Variants in YLPM1 observed in about 807,000 individuals in gnomAD.
YLPM1 encodes YLP motif containing 1, also known as YLP motif-containing protein 1.
In YLPM1, 99 loss-of-function variants were observed where a neutral mutation model predicts 230.0. The ratio of observed to expected loss-of-function variants is 0.43; its 90% confidence interval spans 0.37 to 0.51. YLPM1 has a LOEUF of 0.51. Ranked by LOEUF, YLPM1 falls within the 20% of genes least tolerant of loss-of-function variation. The probability of loss-of-function intolerance (pLI) is 0.00; values close to 1 mark genes in which losing one functional copy is unlikely to be tolerated. For missense variants in YLPM1, 2,592 were observed against 2,707.7 expected (o/e 0.96, Z 0.95); for synonymous variants, 984 against 942.5 (o/e 1.04, Z -0.81).
Position 74,780,490 on chromosome 14 carries a change from G to A in YLPM1, c.1196G>A (p.Gly399Asp). 6.2e-7 allele frequency: 1 copy of A among 1,613,904 alleles called. No homozygotes were observed. Among genetic ancestry groups the A allele is most frequent in the Non-Finnish European group, 8.5e-7 (1 of 1,179,866 alleles). The change falls in exon 3 of 21, where the codon GGT becomes GAT. Residue 399 changes from glycine to aspartate, a missense_variant. Around this residue, in one of 4 missense-constraint regions of YLPM1, gnomAD observed 1,862 missense variants for 1,819.8 expected, o/e 1.02. Transcript: ENST00000325680. ...CAGCAGCACCAGCAGCATCGAGTCG[G>A]TTTCCAGTATCAGGGAATAATGCAG... ...HWQQHQQHRV[G>D]FQYQGIMQKH...
chr14:74,804,123 C>T (rs1278556609), intron 6 of YLPM1, among the ~76,000 whole-genome samples: 2 of 152,212 alleles, frequency 1.3e-5, no homozygotes, highest in African/African-American at 4.8e-5. Context: ...CGCCATTGCA[C>T]TCCAGCCTGG....
At chr14:74,766,294 T>C (rs1294995955) in intron 1 of YLPM1, among the ~76,000 whole-genome samples, 1 of 152,182 alleles carries the variant, frequency 6.6e-6, no homozygotes, top group East Asian at 1.9e-4. Flanking sequence ...GCAATCCTTC[T>C]ACATATTTAT....
At chr14:74,803,014 T>A (rs982935789) in intron 6 of YLPM1, among the ~76,000 whole-genome samples, 1 of 152,024 alleles carries the variant, frequency 6.6e-6, no homozygotes, top group Non-Finnish European at 1.5e-5. Context: ...ATTCTAGCAC[T>A]TTGGGAGGCT....
At chr14:74,773,659 C>CATT (rs1469272294) in intron 1 of YLPM1, among the ~76,000 whole-genome samples, 4 of 144,670 alleles carry the variant, frequency 2.8e-5, no homozygotes, top group East Asian at 2.1e-4. Context: ...TTTAATGCTA[C>CATT]ATTATTATTA....
intron 11 of YLPM1, among the ~76,000 whole-genome samples, chr14:74,812,989 AAAG>A (rs2091448803): frequency 6.6e-6 from 1 of 152,216 alleles, no homozygotes; most frequent in Non-Finnish European, 1.5e-5. Flanking sequence ...ACTTGGCAAA[AAAG>A]ATGTTGAATT....
intron 4 of YLPM1, among the ~76,000 whole-genome samples, chr14:74,796,062 C>T (rs2091257531): frequency 6.6e-6 from 1 of 152,180 alleles, no homozygotes; most frequent in Non-Finnish European, 1.5e-5. Context: ...CCAGTTCTAG[C>T]TGCAAGAGAT....
intron 4 of YLPM1, among the ~76,000 whole-genome samples, chr14:74,783,622 G>GT: frequency 6.6e-6 from 1 of 152,056 alleles, no homozygotes; most frequent in Non-Finnish European, 1.5e-5. Context: ...TTTCATCTCA[G>GT]TATCAGTGGA....
intron 6 of YLPM1, among the ~76,000 whole-genome samples, chr14:74,806,935 A>T (rs1455945802): frequency 6.6e-6 from 1 of 152,174 alleles, no homozygotes; most frequent in Non-Finnish European, 1.5e-5. Flanking sequence ...AGTTTTTAAA[A>T]AATTTATAAG....
Position 74,809,497 on chromosome 14 carries a change from C to T in YLPM1, c.4639C>T (p.Pro1547Ser), listed in dbSNP as rs2091413063. The T allele has an allele frequency of 1.3e-6, 2 of 1,583,210 alleles. No individual in the cohort carries two copies. Among genetic ancestry groups the T allele is most frequent in the Admixed American group, 1.8e-5 (1 of 54,490 alleles). Residue 1547 changes from proline to serine, a missense_variant, in exon 7 of 21, where the codon CCA becomes TCA. Around this residue, in one of 4 missense-constraint regions of YLPM1, gnomAD observed 403 missense variants for 426.7 expected, o/e 0.94. Transcript: ENST00000325680. Reference protein sequence around the residue: ...VPVTRPPVPIPPPPPPPPLPP... With the variant: ...VPVTRPPVPISPPPPPPPLPP... ...TGTGACCAGGCCACCTGTCCCAATA[C>T]CACCACCTCCACCTCCTCCACCTCT...
intron 18 of YLPM1, 122 bp downstream of exon 18, chr14:74,824,429 C>T: frequency 1.2e-6 from 1 of 856,158 alleles, no homozygotes; most frequent in African/African-American, 1.7e-5. Context: ...TCTGGCCTAC[C>T]TTATATCCTC....
rs1458355449 is a variant in YLPM1, at chr14:74,812,708, G to A, written c.5428G>A (p.Val1810Ile). Residue 1810 changes from valine (V) to isoleucine (I), a missense_variant, in exon 11 of 21, where the codon GTC becomes ATC. This residue lies in a region of YLPM1 where 315 missense variants were observed against 429.3 expected (regional missense o/e 0.73). Coordinates refer to ENST00000325680, the MANE Select transcript of YLPM1 (RefSeq NM_019589.3). ...LSHQPPPAPR[V>I]EKKPESKNVD... Reference sequence around the variant, plus strand: ...CCACCAGCCTCCTCCAGCTCCACGAGTCGAGAAGAAGCCTGAATCAAAGAA... The same window carrying A: ...CCACCAGCCTCCTCCAGCTCCACGAATCGAGAAGAAGCCTGAATCAAAGAA... 1 of 1,613,448 alleles carries A rather than the reference G, an allele frequency of 6.2e-7. No homozygotes were observed. The highest frequency in any genetic ancestry group is 8.5e-7 in the Non-Finnish European group (1 of 1,179,696).
chr14:74,791,667 A>C (rs2091208374), intron 4 of YLPM1, among the ~76,000 whole-genome samples: 1 of 152,244 alleles, frequency 6.6e-6, no homozygotes, highest in Non-Finnish European at 1.5e-5. Context: ...TAGCAAGACA[A>C]ACATGTTCCA....
At chr14:74,810,840 G>T (rs907894771) in intron 9 of YLPM1, among the ~76,000 whole-genome samples, 1 of 152,072 alleles carries the variant, frequency 6.6e-6, no homozygotes, top group African/African-American at 2.4e-5. Flanking sequence ...TTTGTATGGA[G>T]ACGGGGTCTC....
intron 1 of YLPM1, among the ~76,000 whole-genome samples, chr14:74,767,067 A>G (rs896760092): frequency 4.0e-5 from 6 of 151,736 alleles, no homozygotes; most frequent in Non-Finnish European, 7.4e-5. Context: ...TATTTTTAGT[A>G]GAGACGGGGT....
At chr14:74,807,198 G>A (rs1159542349) in intron 6 of YLPM1, among the ~76,000 whole-genome samples, 4 of 151,966 alleles carry the variant, frequency 2.6e-5, no homozygotes, top group Non-Finnish European at 5.9e-5. Context: ...GTGTATATAT[G>A]GGCAAATATA....
intron 12 of YLPM1, 120 bp from the exon 13 acceptor site, chr14:74,816,451 T>C: frequency 7.3e-7 from 1 of 1,367,528 alleles, no homozygotes; most frequent in Non-Finnish European, 9.8e-7. Context: ...CATTTTTGCC[T>C]CTGCTTGATT....
rs2091097606 is a variant in YLPM1 at position 74,781,853 on chromosome 14, G to A, written c.1810G>A (p.Val604Ile). Residue 604 changes from valine (V) to isoleucine (I), a missense_variant, in exon 4 of 21, where the codon GTT becomes ATT. This residue lies in a region of YLPM1 where 1,862 missense variants were observed against 1,819.8 expected (regional missense o/e 1.02). Coordinates refer to ENST00000325680, the MANE Select transcript of YLPM1 (RefSeq NM_019589.3). ...PSLSSAGPPP[V>I]LPPPSLSSTA... ...CCTGTCTTCTGCAGGGCCACCACCA[G>A]TTCTTCCCCCACCATCTCTCTCTTC... is the stretch of plus-strand genomic sequence containing the variant. 3 of 1,611,264 alleles carry A rather than the reference G, an allele frequency of 1.9e-6. No homozygotes were observed. The highest frequency in any genetic ancestry group is 2.5e-6 in the Non-Finnish European group (3 of 1,179,034).
At chr14:74,806,467 C>T (rs2091379479) in intron 6 of YLPM1, among the ~76,000 whole-genome samples, 1 of 152,124 alleles carries the variant, frequency 6.6e-6, no homozygotes, top group South Asian at 2.1e-4. Flanking sequence ...TGGTGCGCAC[C>T]TGTAATCCCA....
chr14:74,770,604 G>A (rs1392581867), intron 1 of YLPM1, among the ~76,000 whole-genome samples: 1 of 151,418 alleles, frequency 6.6e-6, no homozygotes, highest in Admixed American at 6.6e-5. Context: ...TAGCCTGGGC[G>A]ACAGAGTGGG....
Sources: gnomAD v4.1 joint callset for allele counts (sites outside exome capture counted in the v4.1 genomes callset) on GRCh38, gnomAD v4.1.1 for gene constraint, gnomAD v4.1.1 regional missense constraint, MANE v1.5 for transcripts, NCBI Gene and HGNC (gene_info 2026-07-23, HGNC 2026-07-21) for gene names.